XKR4: variants seen among roughly 807,000 people sequenced by gnomAD.
XKR4 encodes XK related 4.
XKR4 carries 12 observed loss-of-function variants against 53.9 expected under a neutral mutation model. That is an observed-to-expected ratio of 0.22 (90% CI 0.14 to 0.36). XKR4 has a LOEUF of 0.36. Among genes scored for constraint, XKR4 ranks in the 10% least tolerant of loss-of-function variants. The pLI is 1.00. For synonymous variants in XKR4, 354 were observed against 362.4 expected, an observed-to-expected ratio of 0.98 and a Z score of 0.26; for missense variants, 799 against 859.5, an observed-to-expected ratio of 0.93 and a Z score of 0.88.
chr8:55,438,686 A>G (rs1034483825), intron 2 of XKR4, among the ~76,000 whole-genome samples: 2 of 152,118 alleles, frequency 1.3e-5, no homozygotes, highest in African/African-American at 4.8e-5. Context: ...GTGATCTTCT[A>G]TGCCTGACAA....
At chr8:55,372,506 A>C (rs974981142) in intron 2 of XKR4, among the ~76,000 whole-genome samples, 6 of 152,178 alleles carry the variant, frequency 3.9e-5, no homozygotes, top group African/African-American at 1.4e-4. Context: ...CAACTTAATA[A>C]AAAATTCAAA....
chr8:55,470,008 GT>G lies in XKR4; in HGVS notation c.1007-53272del, dbSNP rs565722822. Among the ~76,000 whole-genome samples the G allele has an allele frequency of 2.0e-3, 300 of 152,234 alleles. 3 individuals are homozygous for G. The highest frequency in any genetic ancestry group is 6.8e-3 in the African/African-American group (284 of 41,500). On this transcript the variant is annotated intron_variant, in intron 2 of 2. Coordinates refer to ENST00000327381, the MANE Select transcript of XKR4 (RefSeq NM_052898.2). The stretch of plus-strand genomic sequence containing the variant: ...CATGGACAAATAAGTGCAATAAGAA[GT>G]GCCATGATAGAAATGGTGCATTGTA...
intron 1 of XKR4, among the ~76,000 whole-genome samples, chr8:55,262,453 G>A (rs1305544816): frequency 2.0e-5 from 3 of 152,244 alleles, no homozygotes; most frequent in Non-Finnish European, 4.4e-5. Context: ...GGAGGTGGGA[G>A]ACTTTTGGAA....
intron 2 of XKR4, among the ~76,000 whole-genome samples, chr8:55,488,587 G>T (rs1163750746): frequency 6.6e-6 from 1 of 152,210 alleles, no homozygotes; most frequent in Non-Finnish European, 1.5e-5. Flanking sequence ...AATCTGAAAA[G>T]ACTTCATATT....
At chr8:55,255,052 G>C (rs1004383033) in intron 1 of XKR4, among the ~76,000 whole-genome samples, 16 of 152,154 alleles carry the variant, frequency 1.1e-4, no homozygotes, top group Admixed American at 6.5e-5. Context: ...AAACAAATAG[G>C]CTTTTAATTA....
intron 1 of XKR4, among the ~76,000 whole-genome samples, chr8:55,106,479 A>T (rs927343610): frequency 5.9e-5 from 9 of 152,154 alleles, no homozygotes; most frequent in Non-Finnish European, 1.2e-4. Context: ...ACTTTAAAGG[A>T]ACTGTGCCTG....
At chr8:55,328,702 CT>C (rs1289735940) in intron 1 of XKR4, among the ~76,000 whole-genome samples, 1 of 152,138 alleles carries the variant, frequency 6.6e-6, no homozygotes, top group Non-Finnish European at 1.5e-5. Context: ...ACCGCATGAC[CT>C]TTTTTCTAGT....
intron 1 of XKR4, among the ~76,000 whole-genome samples, chr8:55,118,916 A>G (rs2129351755): frequency 6.6e-6 from 1 of 152,300 alleles, no homozygotes; most frequent in African/African-American, 2.4e-5. Flanking sequence ...TTTGATACTA[A>G]TATGCTGTAA....
intron 2 of XKR4, among the ~76,000 whole-genome samples, chr8:55,486,410 A>G (rs1426537476): frequency 6.6e-6 from 1 of 152,272 alleles, no homozygotes; most frequent in Non-Finnish European, 1.5e-5. Context: ...ATGTTCTTAT[A>G]TACAAAGTCA....
At chr8:55,360,065 G>A (rs984800871) in intron 2 of XKR4, among the ~76,000 whole-genome samples, 2 of 152,198 alleles carry the variant, frequency 1.3e-5, no homozygotes, top group African/African-American at 4.8e-5. Context: ...CTCCAAAGGT[G>A]GCCAAAAGAC....
At chr8:55,415,493 C>T (rs1191038836) in intron 2 of XKR4, among the ~76,000 whole-genome samples, 1 of 152,034 alleles carries the variant, frequency 6.6e-6, no homozygotes, top group South Asian at 2.1e-4. Context: ...ATTCAGCAAG[C>T]GTTTATTGAG....
chr8:55,385,015 T>A (rs1369961247), intron 2 of XKR4, among the ~76,000 whole-genome samples: 1 of 152,158 alleles, frequency 6.6e-6, no homozygotes, highest in Non-Finnish European at 1.5e-5. Context: ...GTGTAGCCTC[T>A]TTTTTTCAAA....
intron 2 of XKR4, among the ~76,000 whole-genome samples, chr8:55,374,297 T>G (rs986078502): frequency 6.6e-5 from 10 of 152,258 alleles, no homozygotes; most frequent in African/African-American, 2.4e-4. Context: ...CCATTCACCC[T>G]TGAAGGGCTT....
chr8:55,112,571 T>TTTTTTTG (rs1816247384), intron 1 of XKR4, among the ~76,000 whole-genome samples: 1 of 136,236 alleles, frequency 7.3e-6, no homozygotes. Context: ...GGTTTTTTTT[T>TTTTTTTG]TTTTTTTTTT....
chr8:55,284,545 A>G (rs549668421), intron 1 of XKR4, among the ~76,000 whole-genome samples: 1 of 152,286 alleles, frequency 6.6e-6, no homozygotes, highest in South Asian at 2.1e-4. Flanking sequence ...TGCCCACCAC[A>G]TGAGCATCTC....
chr8:55,389,125 A>C (rs1804399246), intron 2 of XKR4, among the ~76,000 whole-genome samples: 1 of 152,222 alleles, frequency 6.6e-6, no homozygotes, highest in Admixed American at 6.5e-5. Flanking sequence ...CGCTGCCACC[A>C]GCTAGGGAAA....
At chr8:55,113,123 A>T (rs1816255860) in intron 1 of XKR4, among the ~76,000 whole-genome samples, 1 of 152,134 alleles carries the variant, frequency 6.6e-6, no homozygotes, top group Non-Finnish European at 1.5e-5. Context: ...AGTCATAAAG[A>T]GTTACAATTA....
In XKR4 at chr8:55,125,883, C is replaced by G. The variant is rs1053251318; in HGVS notation, c.806+22589C>G. On this transcript the variant is annotated intron_variant, in intron 1 of 2. Transcript: ENST00000327381. ...TGCTCAATATCTAAAATCTGCCTCT[C>G]TTGAAACCAAATACAAGGCCCTTCT... 3.3e-5 allele frequency among the ~76,000 whole-genome samples: 5 copies of G among 152,332 alleles called. No homozygotes were observed. In the South Asian group the frequency reaches 6.2e-4, roughly 19 times the overall value.
intron 1 of XKR4, among the ~76,000 whole-genome samples, chr8:55,197,915 A>C (rs1372279276): frequency 6.6e-6 from 1 of 152,220 alleles, no homozygotes. Context: ...AAAAATTTTC[A>C]CTGAAGTTGT....
Sources: gnomAD v4.1 joint callset for allele counts (sites outside exome capture counted in the v4.1 genomes callset) on GRCh38, gnomAD v4.1.1 for gene constraint, MANE v1.5 for transcripts, NCBI Gene and HGNC (gene_info 2026-07-23, HGNC 2026-07-21) for gene names.